The following SMYD2 variants were observed in gnomAD, a reference collection of about 807,000 sequenced individuals.
The protein encoded by SMYD2 is N-lysine methyltransferase SMYD2.
In SMYD2, 53 loss-of-function variants were observed where a neutral mutation model predicts 59.1. The observed-to-expected ratio is 0.90, with a 90% CI of 0.72 to 1.13. The LOEUF (loss-of-function observed/expected upper bound fraction) is 1.13. Among genes scored for constraint, SMYD2 ranks in the 50% most tolerant of loss-of-function variants. SMYD2 has a pLI of 0.00. For synonymous variants in SMYD2, 208 were observed against 198.8 expected, an observed-to-expected ratio of 1.05 and a Z score of -0.39; for missense variants, 494 against 544.7, an observed-to-expected ratio of 0.91 and a Z score of 0.93.
At chr1:214,334,880 G>A (rs1283953981) in intron 11 of SMYD2, among the ~76,000 whole-genome samples, 1 of 152,176 alleles carries the variant, frequency 6.6e-6, no homozygotes, top group African/African-American at 2.4e-5. Context: ...TCATTCAAAT[G>A]AGGGTCTAAA....
intron 2 of SMYD2, among the ~76,000 whole-genome samples, chr1:214,310,189 C>A (rs146020436): frequency 2.0e-5 from 3 of 152,202 alleles, no homozygotes; most frequent in African/African-American, 7.2e-5. Context: ...AATGCTGGTG[C>A]ACCATGAGAC....
rs150738051 is a variant in SMYD2, at chr1:214,307,961, G to A, written c.237+2711G>A. On this transcript the variant is annotated intron_variant, in intron 2 of 11. Coordinates refer to ENST00000366957, the MANE Select transcript of SMYD2 (RefSeq NM_020197.3). ...CGCCTCATAATGACACAATTACTTGGGGAGCAAGGAACCCCAGGATGGAGG... is the reference window on the plus strand; with the variant it reads ...CGCCTCATAATGACACAATTACTTGAGGAGCAAGGAACCCCAGGATGGAGG... Among the ~76,000 whole-genome samples, 480 of 152,312 alleles carry A rather than the reference G, an allele frequency of 3.2e-3. 1 individual carries two copies. The highest frequency in any genetic ancestry group is 0.01 in the Middle Eastern group (3 of 294).
At chr1:214,284,008 G>A (rs1656490515) in intron 1 of SMYD2, among the ~76,000 whole-genome samples, 1 of 152,048 alleles carries the variant, frequency 6.6e-6, no homozygotes, top group Non-Finnish European at 1.5e-5. Flanking sequence ...TACGGTCAGG[G>A]CAATTCAGAC....
intron 1 of SMYD2, among the ~76,000 whole-genome samples, chr1:214,297,703 C>G (rs1656756710): frequency 6.6e-6 from 1 of 152,214 alleles, no homozygotes; most frequent in South Asian, 2.1e-4. Flanking sequence ...ATAATTTAAA[C>G]AGGGCTTCAT....
intron 1 of SMYD2, among the ~76,000 whole-genome samples, chr1:214,283,111 C>G (rs1656475228): frequency 6.6e-6 from 1 of 152,302 alleles, no homozygotes; most frequent in South Asian, 2.1e-4. Flanking sequence ...TCAAATCCCT[C>G]TGGATTTAGA....
At chr1:214,336,107 A>T (rs1657431147) in intron 11 of SMYD2, among the ~76,000 whole-genome samples, 1 of 152,190 alleles carries the variant, frequency 6.6e-6, no homozygotes, top group Non-Finnish European at 1.5e-5. Context: ...AAAGATCTAG[A>T]ATCTTGGGGC....
intron 7 of SMYD2, among the ~76,000 whole-genome samples, chr1:214,329,709 G>A (rs78868280): frequency 1.3e-5 from 2 of 152,324 alleles, no homozygotes; most frequent in African/African-American, 2.4e-5. Flanking sequence ...GTGAGGAGAA[G>A]GGGAGCTTAG....
At chr1:214,326,433 CTTTTA>C (rs987276429) in intron 6 of SMYD2, among the ~76,000 whole-genome samples, 22 of 152,154 alleles carry the variant, frequency 1.4e-4, no homozygotes, top group African/African-American at 5.3e-4. Flanking sequence ...TAGAAATGTG[CTTTTA>C]TTTTAATACA....
At chr1:214,314,466 G>T in intron 2 of SMYD2, among the ~76,000 whole-genome samples, 1 of 152,160 alleles carries the variant, frequency 6.6e-6, no homozygotes, top group Non-Finnish European at 1.5e-5. Context: ...ATGGAAAGAT[G>T]TATGTGTTGT....
intron 2 of SMYD2, 44 bp from the exon 3 acceptor site, chr1:214,314,718 G>T (rs1464133210): frequency 9.7e-6 from 14 of 1,446,822 alleles, no homozygotes; most frequent in Non-Finnish European, 1.4e-5. Context: ...CTTTATTCCA[G>T]TGTATGTGCT....
intron 1 of SMYD2, among the ~76,000 whole-genome samples, chr1:214,304,965 G>A (rs1167920674): frequency 1.3e-5 from 2 of 152,108 alleles, no homozygotes; most frequent in East Asian, 1.9e-4. Flanking sequence ...TCATACTGGT[G>A]GGTTTGGTAA....
intron 2 of SMYD2, among the ~76,000 whole-genome samples, chr1:214,306,626 A>C (rs1656919330): frequency 6.6e-6 from 1 of 152,216 alleles, no homozygotes; most frequent in Admixed American, 6.5e-5. Flanking sequence ...TACCAATTGT[A>C]GATAGAGTAG....
At chr1:214,334,140 C>A in intron 10 of SMYD2, 60 bp from the exon 11 acceptor site, 1 of 1,507,724 alleles carries the variant, frequency 6.6e-7, no homozygotes, top group Non-Finnish European at 9.2e-7. Flanking sequence ...CTGCACCCAG[C>A]CTGTGGGGCG....
chr1:214,318,179 A>G lies in SMYD2; in HGVS notation c.409+40A>G, dbSNP rs751056539. On this transcript the variant is annotated intron_variant, in intron 4 of 11. Transcript: ENST00000366957. The surrounding 1 kb of genome is among the most constrained non-coding windows in gnomAD (Gnocchi z 5.4). ...GACCAGCCGCGCAGTTCTCTCAGCC[A>G]CAGATTTCACATGGGTTGGGCAGGA... 4.4e-6 allele frequency: 7 copies of G among 1,588,310 alleles called. No homozygotes were observed. The highest frequency in any genetic ancestry group is 2.7e-5 in the African/African-American group (2 of 74,418).
At chr1:214,309,134 G>T (rs1291928802) in intron 2 of SMYD2, among the ~76,000 whole-genome samples, 5 of 152,130 alleles carry the variant, frequency 3.3e-5, no homozygotes. Flanking sequence ...TGCTTTATTT[G>T]ATACAATTTG....
Position 214,318,205 on chromosome 1 carries a change from T to A in SMYD2, c.409+66T>A. Reference sequence around the variant, plus strand: ...CAGATTTCACATGGGTTGGGCAGGATTGAAGCGAGGACGGGCTAGTTTGTG... The same window carrying A: ...CAGATTTCACATGGGTTGGGCAGGAATGAAGCGAGGACGGGCTAGTTTGTG... On this transcript the variant is annotated intron_variant, in intron 4 of 11. Transcript: ENST00000366957. The surrounding 1 kb of genome is among the most constrained non-coding windows in gnomAD (Gnocchi z 5.4). 4.1e-6 allele frequency: 6 copies of A among 1,469,268 alleles called. No individual in the cohort carries two copies. The highest frequency in any genetic ancestry group is 4.7e-6 in the Non-Finnish European group (5 of 1,059,778). The allele number at this position is 1,469,268 out of a possible 1,614,324, so 91.0% of individuals were successfully genotyped here.
chr1:214,281,622 G>T (rs1169088959), intron 1 of SMYD2, among the ~76,000 whole-genome samples, 195 bp downstream of exon 1: 1 of 152,188 alleles, frequency 6.6e-6, no homozygotes, highest in Non-Finnish European at 1.5e-5. Context: ...CCACGTGCGA[G>T]AGGAAACAGG....
At chr1:214,310,120 A>G (rs896723203) in intron 2 of SMYD2, among the ~76,000 whole-genome samples, 6 of 152,252 alleles carry the variant, frequency 3.9e-5, no homozygotes, top group African/African-American at 1.4e-4. Flanking sequence ...GGAAGGCAAC[A>G]TATTTGCTCA....
intron 11 of SMYD2, among the ~76,000 whole-genome samples, chr1:214,334,587 T>C (rs1431624592): frequency 6.6e-6 from 1 of 152,216 alleles, no homozygotes; most frequent in Non-Finnish European, 1.5e-5. Context: ...CCTGGAGGAA[T>C]TCTCCATTTG....
Sources: gnomAD v4.1 joint callset for allele counts (sites outside exome capture counted in the v4.1 genomes callset) on GRCh38, gnomAD v4.1.1 for gene constraint, Gnocchi (gnomAD v3.1) non-coding constraint, MANE v1.5 for transcripts, NCBI Gene and HGNC (gene_info 2026-07-23, HGNC 2026-07-21) for gene names.